Variants in ACYP2 observed in about 807,000 individuals in gnomAD.
ACYP2 encodes the protein acylphosphatase 2, also known as acylphosphatase-2.
A neutral mutation model predicts 11.2 loss-of-function variants in ACYP2; 12 were observed. The observed-to-expected ratio is 1.08, with a 90% CI of 0.69 to 1.74. ACYP2 has a LOEUF of 1.74. Among genes scored for constraint, ACYP2 ranks in the 40% most tolerant of loss-of-function variants. ACYP2 has a pLI of 0.00. For missense variants in ACYP2, 134 were observed against 101.9 expected (o/e 1.31, Z -1.35); for synonymous variants, 43 against 32.2 (o/e 1.33, Z -1.13).
chr2:54,074,469 A>G (rs1207163155), intron 4 of ACYP2, among the ~76,000 whole-genome samples: 2 of 152,066 alleles, frequency 1.3e-5, no homozygotes, highest in African/African-American at 4.8e-5. Flanking sequence ...AACCAAATTG[A>G]TTGTGGTGAT....
chr2:54,075,511 A>AAAAG (rs747607925), intron 4 of ACYP2, among the ~76,000 whole-genome samples: 39,071 of 119,996 alleles, frequency 0.33, 7,436 homozygotes, highest in African/African-American at 0.6. Flanking sequence ...ATTAAAAAAA[A>AAAAG]AAAGAAAGAA....
At chr2:54,298,404 T>G (rs182877168) in intron 6 of ACYP2, among the ~76,000 whole-genome samples, 7 of 152,354 alleles carry the variant, frequency 4.6e-5, no homozygotes, top group Admixed American at 3.3e-4. Flanking sequence ...TGCATTTGCC[T>G]CTGCTCCCTC....
At chr2:54,034,483 G>T (rs1022848192) in intron 2 of ACYP2, among the ~76,000 whole-genome samples, 1 of 152,170 alleles carries the variant, frequency 6.6e-6, no homozygotes, top group Non-Finnish European at 1.5e-5. Flanking sequence ...ACAGTAACAT[G>T]CTGTACAGGT....
intron 2 of ACYP2, among the ~76,000 whole-genome samples, chr2:54,036,585 C>G (rs1674916728): frequency 6.6e-6 from 1 of 152,188 alleles, no homozygotes; most frequent in African/African-American, 2.4e-5. Flanking sequence ...AGAAAATGCA[C>G]AGAGCATTCA....
At chr2:54,179,939 C>G (rs1243865631) in intron 6 of ACYP2, among the ~76,000 whole-genome samples, 1 of 152,268 alleles carries the variant, frequency 6.6e-6, no homozygotes, top group East Asian at 1.9e-4. Context: ...GGCTCAGTCC[C>G]CAAGGTTCCC....
chr2:54,231,356 T>A (rs781022336), intron 6 of ACYP2, among the ~76,000 whole-genome samples: 1 of 152,218 alleles, frequency 6.6e-6, no homozygotes, highest in Non-Finnish European at 1.5e-5. Flanking sequence ...GAGATACATA[T>A]ACAAAAGAAA....
intron 2 of ACYP2, among the ~76,000 whole-genome samples, chr2:54,001,731 G>T (rs1165159642): frequency 1.6e-4 from 24 of 152,248 alleles, no homozygotes; most frequent in Admixed American, 1.5e-3. Context: ...CTGCAGAAAT[G>T]ATTCAGTAGA....
intron 2 of ACYP2, among the ~76,000 whole-genome samples, chr2:53,980,888 G>T (rs140175956): frequency 6.6e-6 from 1 of 151,996 alleles, no homozygotes; most frequent in African/African-American, 2.4e-5. Flanking sequence ...GAGTAGCTGT[G>T]ACTACAGGTG....
chr2:54,210,141 C>CA (rs57860939), intron 6 of ACYP2, among the ~76,000 whole-genome samples: 845 of 70,744 alleles, frequency 0.012, 17 homozygotes, highest in Middle Eastern at 0.018. Context: ...GACTGTGTCT[C>CA]AAAAAAAAAA....
At chr2:54,065,362 A>G (rs1257451040) in intron 4 of ACYP2, 1 of 396,680 alleles carries the variant, frequency 2.5e-6, no homozygotes, top group African/African-American at 2.1e-5. Flanking sequence ...CGATAATTTA[A>G]TGGCTGATCA....
At chr2:54,180,764 C>T (rs1683672117) in intron 6 of ACYP2, among the ~76,000 whole-genome samples, 2 of 152,122 alleles carry the variant, frequency 1.3e-5, no homozygotes, top group African/African-American at 4.8e-5. Context: ...CCATGTTGCC[C>T]AGGTCTGTCT....
At chr2:54,033,549 A>G (rs182865143) in intron 2 of ACYP2, among the ~76,000 whole-genome samples, 9 of 152,104 alleles carry the variant, frequency 5.9e-5, no homozygotes, top group Middle Eastern at 3.4e-3. Flanking sequence ...CTTTTAGGAG[A>G]GTGGGGGAAT....
intron 2 of ACYP2, among the ~76,000 whole-genome samples, chr2:53,993,636 G>T (rs960798673): frequency 4.6e-5 from 7 of 151,618 alleles, no homozygotes; most frequent in Non-Finnish European, 7.4e-5. Flanking sequence ...GGCAGAGGAT[G>T]CAGTAAGCCA....
At chr2:54,065,530 C>G in intron 4 of ACYP2, 2 of 398,608 alleles carry the variant, frequency 5.0e-6, no homozygotes, top group Non-Finnish European at 4.4e-6. Context: ...CAGTTGGTCT[C>G]TGAGTCACAC....
At chr2:54,225,829 C>G (rs1685990113) in intron 6 of ACYP2, among the ~76,000 whole-genome samples, 1 of 151,702 alleles carries the variant, frequency 6.6e-6, no homozygotes, top group Non-Finnish European at 1.5e-5. Context: ...ATAAAATAAG[C>G]TTTTACTTTC....
chr2:54,115,330 G>A, intron 4 of ACYP2: 1 of 495,692 alleles, frequency 2.0e-6, no homozygotes, highest in South Asian at 3.3e-5. Context: ...ATAAAGCTGG[G>A]GGAAGCCACT....
intron 6 of ACYP2, among the ~76,000 whole-genome samples, chr2:54,199,274 C>T (rs1414928924): frequency 2.0e-5 from 3 of 152,190 alleles, no homozygotes; most frequent in East Asian, 1.9e-4. Context: ...CATGGGACAT[C>T]GTGAACACCA....
At chr2:54,178,484 G>T (rs1683569882) in intron 6 of ACYP2, among the ~76,000 whole-genome samples, 1 of 152,166 alleles carries the variant, frequency 6.6e-6, no homozygotes, top group Non-Finnish European at 1.5e-5. Context: ...ACAGAAGAAA[G>T]CAAGGCTATG....
At position 54,137,420 on chromosome 2, in the gene ACYP2, C is replaced by G. The variant is rs562445464; in HGVS notation, c.295-1219C>G. ...ACCCAAAAGTTATTTTTTTCTACTCCTCTCCCTCCTCCCACTCTCCACCCT... is the reference window on the plus strand; with the variant it reads ...ACCCAAAAGTTATTTTTTTCTACTCGTCTCCCTCCTCCCACTCTCCACCCT... On this transcript the variant is annotated intron_variant, in intron 5 of 6. Transcript: ENST00000607452. 9.2e-5 allele frequency among the ~76,000 whole-genome samples: 14 copies of G among 152,210 alleles called. No homozygotes were observed. In the South Asian group the frequency reaches 2.7e-3, roughly 29 times the overall value.
Sources: gnomAD v4.1 joint callset for allele counts (sites outside exome capture counted in the v4.1 genomes callset) on GRCh38, gnomAD v4.1.1 for gene constraint, MANE v1.5 for transcripts, NCBI Gene and HGNC (gene_info 2026-07-23, HGNC 2026-07-21) for gene names.